FARS2: variants seen among roughly 807,000 people sequenced by gnomAD.
FARS2 encodes the protein phenylalanyl-tRNA synthetase 2, mitochondrial, also known as phenylalanine--tRNA ligase, mitochondrial.
In FARS2, 40 loss-of-function variants were observed where a neutral mutation model predicts 46.4. The ratio of observed to expected loss-of-function variants is 0.86; its 90% CI spans 0.67 to 1.12. The LOEUF (loss-of-function observed/expected upper bound fraction) is 1.12, where lower values mean the gene tolerates loss of function less well. Ranked by LOEUF, FARS2 falls within the 50% of genes most tolerant of loss-of-function variation. The probability of loss-of-function intolerance (pLI) is 0.00; values close to 1 mark genes in which losing one functional copy is unlikely to be tolerated. For missense variants in FARS2, 513 were observed against 567.9 expected (o/e 0.90, Z 0.98); for synonymous variants, 234 against 214.9 (o/e 1.09, Z -0.78).
In FARS2 at chr6:5,480,798, A is replaced by ATCCTTCC. The variant is rs530880339; in HGVS notation, c.904+49638_904+49644dup. ...CTGACTGAGTTGCCTGCAATCTTTT[A>ATCCTTCC]TCCTTCCTCCTTCCTCCTAGGTTTA... On this transcript the variant is annotated intron_variant, in intron 4 of 6. Transcript: ENST00000274680. Among the ~76,000 whole-genome samples, 28 of 152,332 alleles carry ATCCTTCC rather than the reference A, an allele frequency of 1.8e-4. No individual in the cohort carries two copies. The East Asian group carries it at 4.6e-3, about 25-fold the overall frequency.
intron 6 of FARS2, among the ~76,000 whole-genome samples, chr6:5,700,399 G>A (rs1561809171): frequency 6.6e-6 from 1 of 151,902 alleles, no homozygotes; most frequent in Non-Finnish European, 1.5e-5. Context: ...TATCTCAGTA[G>A]CAGTGGCAAT....
intron 1 of FARS2, among the ~76,000 whole-genome samples, chr6:5,271,770 C>A (rs367949690): frequency 6.6e-6 from 1 of 151,998 alleles, no homozygotes; most frequent in East Asian, 1.9e-4. Context: ...ACTATATTGG[C>A]CAGGCTGGTC....
At chr6:5,469,528 C>G (rs1208182135) in intron 4 of FARS2, among the ~76,000 whole-genome samples, 4 of 152,222 alleles carry the variant, frequency 2.6e-5, no homozygotes, top group African/African-American at 9.6e-5. Flanking sequence ...GCCACCCCAG[C>G]AAGTCTCAGA....
Position 5,338,596 on chromosome 6 carries a change from A to G in FARS2, c.-21-29954A>G, listed in dbSNP as rs956510522. Among the ~76,000 whole-genome samples the G allele has an allele frequency of 1.4e-4, 12 of 87,576 alleles. No individual in the cohort carries two copies. In the East Asian group the frequency reaches 3.8e-3, roughly 28 times the overall value. 57.5% of individuals were successfully genotyped at this position (87,576 alleles called of 152,430 possible). A position where few individuals can be genotyped will look rare whatever the true frequency, so the allele number is the denominator to read the frequency against. ...CCCCACCCACCCAACCCACCTGCAC[A>G]GAAGTTTACCTCTTTGATAGAACTC... On this transcript the variant is annotated intron_variant, in intron 1 of 6. Transcript: ENST00000274680.
At chr6:5,531,196 A>G (rs1471870805) in intron 4 of FARS2, among the ~76,000 whole-genome samples, 1 of 152,186 alleles carries the variant, frequency 6.6e-6, no homozygotes, top group Non-Finnish European at 1.5e-5. Context: ...CTCATTGGCC[A>G]TGCTCTCCCC....
At chr6:5,521,014 T>C (rs1769100287) in intron 4 of FARS2, among the ~76,000 whole-genome samples, 1 of 152,206 alleles carries the variant, frequency 6.6e-6, no homozygotes, top group South Asian at 2.1e-4. Flanking sequence ...TCCTGCCTCT[T>C]TCCTGATAAA....
intron 6 of FARS2, among the ~76,000 whole-genome samples, chr6:5,634,728 C>G (rs1244780418): frequency 6.6e-6 from 1 of 152,230 alleles, no homozygotes; most frequent in African/African-American, 2.4e-5. Context: ...CATTTCAGAG[C>G]AGAGTAGCCC....
At chr6:5,371,298 C>G (rs1237106222) in intron 2 of FARS2, 1 of 335,606 alleles carries the variant, frequency 3.0e-6, no homozygotes, top group Non-Finnish European at 4.2e-6. Flanking sequence ...TCAGTTTATT[C>G]CCCTATGAAT....
intron 5 of FARS2, among the ~76,000 whole-genome samples, chr6:5,547,874 C>T (rs999086467): frequency 6.6e-6 from 1 of 152,218 alleles, no homozygotes; most frequent in Non-Finnish European, 1.5e-5. Flanking sequence ...GGGCTCATCT[C>T]TCTCTGGAGT....
intron 5 of FARS2, among the ~76,000 whole-genome samples, chr6:5,548,569 A>T (rs990708107): frequency 6.6e-6 from 1 of 152,204 alleles, no homozygotes; most frequent in East Asian, 1.9e-4. Context: ...ATTGTCAGTT[A>T]TTTAATCAGC....
At chr6:5,518,472 G>C (rs1561680017) in intron 4 of FARS2, among the ~76,000 whole-genome samples, 1 of 152,174 alleles carries the variant, frequency 6.6e-6, no homozygotes, top group Non-Finnish European at 1.5e-5. Context: ...AAATATGTCT[G>C]GAAGTGATCA....
chr6:5,325,561 G>A (rs986408577), intron 1 of FARS2, among the ~76,000 whole-genome samples: 7 of 152,152 alleles, frequency 4.6e-5, no homozygotes, highest in South Asian at 2.1e-4. Flanking sequence ...GTAGTATATC[G>A]TAGGGCCCAG....
chr6:5,363,557 G>C (rs906081765), intron 1 of FARS2, among the ~76,000 whole-genome samples: 2 of 152,110 alleles, frequency 1.3e-5, no homozygotes, highest in Non-Finnish European at 2.9e-5. Context: ...AGGAGAGAAA[G>C]AGTATGTGTA....
intron 1 of FARS2, among the ~76,000 whole-genome samples, chr6:5,262,505 CT>C (rs1408642029): frequency 6.6e-6 from 1 of 152,142 alleles, no homozygotes; most frequent in Non-Finnish European, 1.5e-5. Context: ...TCTCGAACTC[CT>C]GACCTCAGGC....
intron 4 of FARS2, among the ~76,000 whole-genome samples, chr6:5,508,443 A>G (rs1312646369): frequency 6.6e-6 from 1 of 152,180 alleles, no homozygotes; most frequent in Non-Finnish European, 1.5e-5. Context: ...ACATGACAGC[A>G]GGGACTGAAC....
intron 6 of FARS2, among the ~76,000 whole-genome samples, chr6:5,762,638 G>A (rs994103938): frequency 6.6e-6 from 1 of 152,222 alleles, no homozygotes; most frequent in Admixed American, 6.5e-5. Context: ...GTGTCTCTAA[G>A]GAACTCTTAC....
intron 5 of FARS2, among the ~76,000 whole-genome samples, chr6:5,576,443 C>T (rs995327606): frequency 4.6e-5 from 7 of 152,116 alleles, no homozygotes; most frequent in Admixed American, 1.3e-4. Context: ...CCAAGTTCTA[C>T]AGTTTTGGCA....
At chr6:5,459,738 G>A (rs555024704) in intron 4 of FARS2, among the ~76,000 whole-genome samples, 5 of 152,134 alleles carry the variant, frequency 3.3e-5, no homozygotes, top group Admixed American at 6.5e-5. Context: ...AAAGTTTAGT[G>A]CCAAGCCCCA....
At chr6:5,434,390 G>T (rs1023420738) in intron 4 of FARS2, among the ~76,000 whole-genome samples, 2 of 152,106 alleles carry the variant, frequency 1.3e-5, no homozygotes, top group African/African-American at 4.8e-5. Context: ...AGGATTACAG[G>T]CATGAGCCAC....
Sources: gnomAD v4.1 joint callset for allele counts (sites outside exome capture counted in the v4.1 genomes callset) on GRCh38, gnomAD v4.1.1 for gene constraint, MANE v1.5 for transcripts, NCBI Gene and HGNC (gene_info 2026-07-23, HGNC 2026-07-21) for gene names.